NTRK2: variants seen among roughly 807,000 people sequenced by gnomAD.
NTRK2 encodes the protein BDNF/NT-3 growth factors receptor.
A neutral mutation model predicts 94.5 loss-of-function variants in NTRK2; 13 were observed. The ratio of observed to expected loss-of-function variants is 0.14; its 90% CI spans 0.09 to 0.22. The LOEUF (loss-of-function observed/expected upper bound fraction) is 0.22. Ranked by LOEUF, NTRK2 falls within the 10% of genes least tolerant of loss-of-function variation. The pLI is 1.00. For synonymous variants in NTRK2, 372 were observed against 407.4 expected, an observed-to-expected ratio of 0.91 and a Z score of 1.05; for missense variants, 639 against 1,071.2, an observed-to-expected ratio of 0.60 and a Z score of 5.63.
rs1244160888 is a variant in NTRK2, at chr9:84,927,393, ATATAAG to A, written c.1634-6766_1634-6761del. On this transcript the variant is annotated intron_variant, in intron 14 of 18. Transcript: ENST00000277120. ...AAGATGTAAGTAAATGGCATGAAAG[ATATAAG>A]TACATGGGTTTTTCTGCCCTTTAGG... is the stretch of plus-strand genomic sequence containing the variant. 5.9e-5 allele frequency among the ~76,000 whole-genome samples: 9 copies of A among 152,192 alleles called. No homozygotes were observed. The East Asian group carries it at 1.7e-3, about 29-fold the overall frequency.
At chr9:85,009,031 C>A (rs1053784985) in intron 17 of NTRK2, among the ~76,000 whole-genome samples, 1 of 152,184 alleles carries the variant, frequency 6.6e-6, no homozygotes, top group African/African-American at 2.4e-5. Flanking sequence ...TATTTACGTT[C>A]AGCTAGTTGG....
intron 11 of NTRK2, among the ~76,000 whole-genome samples, chr9:84,749,246 T>C (rs1464209559): frequency 2.0e-5 from 3 of 151,994 alleles, no homozygotes; most frequent in African/African-American, 7.2e-5. Context: ...AAAAAGTCTA[T>C]ACTCAAACAT....
At chr9:84,770,153 A>AACACACACACACACACACAC (rs35363257) in intron 12 of NTRK2, among the ~76,000 whole-genome samples, 151 of 137,030 alleles carry the variant, frequency 1.1e-3, no homozygotes, top group African/African-American at 3.9e-3. Context: ...TGTGCATGAG[A>AACACACACACACACACACAC]ACACACACAC....
At chr9:84,867,181 G>A (rs2132054361) in intron 13 of NTRK2, 62 bp from the exon 14 acceptor site, 1 of 1,525,572 alleles carries the variant, frequency 6.6e-7, no homozygotes, top group Non-Finnish European at 9.1e-7. Context: ...TTTTATGTAT[G>A]TGAATTACAG....
chr9:84,718,669 AG>A (rs538100569), intron 6 of NTRK2, among the ~76,000 whole-genome samples: 234 of 152,320 alleles, frequency 1.5e-3, no homozygotes, highest in Non-Finnish European at 2.7e-3. Flanking sequence ...ATCCTTTTAC[AG>A]TAGAGCTAGC....
At chr9:85,013,478 T>C (rs1564550799) in intron 17 of NTRK2, among the ~76,000 whole-genome samples, 1 of 152,154 alleles carries the variant, frequency 6.6e-6, no homozygotes. Context: ...AATTTTTGTA[T>C]TTTTAGTAGA....
intron 14 of NTRK2, among the ~76,000 whole-genome samples, chr9:84,883,521 C>T (rs1001775043): frequency 2.6e-5 from 4 of 152,102 alleles, no homozygotes; most frequent in East Asian, 1.9e-4. Context: ...TAATGACAAG[C>T]GCAATGTCTC....
chr9:84,904,881 A>G (rs971220177), intron 14 of NTRK2, among the ~76,000 whole-genome samples: 38 of 152,228 alleles, frequency 2.5e-4, no homozygotes, highest in African/African-American at 8.9e-4. Context: ...TTTAGTTTTT[A>G]AACCTCCAGC....
chr9:84,788,323 A>T (rs1162607757), intron 12 of NTRK2, among the ~76,000 whole-genome samples: 1 of 152,240 alleles, frequency 6.6e-6, no homozygotes, highest in Non-Finnish European at 1.5e-5. Context: ...GTAGATGCAG[A>T]TCAGAGTCAT....
At position 84,741,192 on chromosome 9, in the gene NTRK2, A is replaced by G. The variant is rs200422826; in HGVS notation, c.1160-700A>G. Among the ~76,000 whole-genome samples the G allele has an allele frequency of 1.1e-4, 17 of 152,356 alleles. No individual in the cohort carries two copies. The East Asian group carries it at 3.3e-3, about 29-fold the overall frequency. On this transcript the variant is annotated intron_variant, in intron 9 of 18. Coordinates refer to ENST00000277120, the MANE Select transcript of NTRK2 (RefSeq NM_006180.6). Reference sequence around the variant, plus strand: ...TCTCATAGGAATACCTTAAAGCAGAATATTTTGATCATCTTGGTGACTGCA... The same window carrying G: ...TCTCATAGGAATACCTTAAAGCAGAGTATTTTGATCATCTTGGTGACTGCA...
chr9:84,705,504 C>T (rs1219661243), intron 4 of NTRK2, among the ~76,000 whole-genome samples: 2 of 152,244 alleles, frequency 1.3e-5, no homozygotes, highest in East Asian at 1.9e-4. Flanking sequence ...TGGCCGGTAA[C>T]CCCGCTCTTT....
intron 6 of NTRK2, among the ~76,000 whole-genome samples, chr9:84,719,928 A>T (rs1010778201): frequency 1.3e-5 from 2 of 151,472 alleles, no homozygotes; most frequent in Non-Finnish European, 2.9e-5. Flanking sequence ...CCTGAGGCAC[A>T]AGAATCACTT....
chr9:84,722,758 A>T (rs949908313), intron 6 of NTRK2, among the ~76,000 whole-genome samples: 4 of 152,238 alleles, frequency 2.6e-5, no homozygotes, highest in Non-Finnish European at 5.9e-5. Context: ...CCCTAAAATT[A>T]CACATAGCTT....
At chr9:84,685,622 C>T (rs1225845486) in intron 2 of NTRK2, among the ~76,000 whole-genome samples, 1 of 152,172 alleles carries the variant, frequency 6.6e-6, no homozygotes, top group African/African-American at 2.4e-5. Flanking sequence ...CATGCCTCTA[C>T]CTTTGTTTGA....
Position 84,818,813 on chromosome 9 carries a change from C to T in NTRK2, c.1397-42227C>T, listed in dbSNP as rs376096814. 2.0e-4 allele frequency among the ~76,000 whole-genome samples: 30 copies of T among 152,276 alleles called. No individual in the cohort carries two copies. In the East Asian group the frequency reaches 2.7e-3, roughly 14 times the overall value. The stretch of plus-strand genomic sequence containing the variant: ...CTGGTGGGAAGGGGTGTGGAGGACA[C>T]GTCCTGCCATCTCCATGAACAGAAT... On this transcript the variant is annotated intron_variant, in intron 12 of 18. Coordinates refer to ENST00000277120, the MANE Select transcript of NTRK2 (RefSeq NM_006180.6).
chr9:84,939,051 C>CAAAAAAAAAAAAAAAAAAAAAAAA (rs138558531), intron 15 of NTRK2, among the ~76,000 whole-genome samples: 2 of 68,408 alleles, frequency 2.9e-5, no homozygotes, highest in African/African-American at 5.4e-5. Flanking sequence ...GACCCCAACT[C>CAAAAAAAAAAAAAAAAAAAAAAAA]AAAAAAAAAA....
intron 4 of NTRK2, among the ~76,000 whole-genome samples, chr9:84,704,030 AC>A (rs1321004260): frequency 1.3e-5 from 2 of 152,146 alleles, no homozygotes; most frequent in African/African-American, 4.8e-5. Context: ...ACTGCATTTT[AC>A]TGGCTCTTTT....
At chr9:84,998,322 GGA>G (rs775316371) in intron 17 of NTRK2, among the ~76,000 whole-genome samples, 6 of 152,174 alleles carry the variant, frequency 3.9e-5, no homozygotes, top group Admixed American at 1.3e-4. Context: ...AACCTGGACT[GGA>G]GATGGTTTTC....
chr9:84,678,691 C>CA lies in NTRK2; in HGVS notation c.212+7738dup, dbSNP rs201673055. 7.6e-4 allele frequency among the ~76,000 whole-genome samples: 116 copies of CA among 151,914 alleles called. 1 individual carries two copies. Among genetic ancestry groups the CA allele is most frequent in the African/African-American group, 2.7e-3 (110 of 41,420 alleles). On this transcript the variant is annotated intron_variant, in intron 2 of 18. Coordinates refer to ENST00000277120, the MANE Select transcript of NTRK2 (RefSeq NM_006180.6). Reference sequence around the variant, plus strand: ...CCCTAGATTCCCTGGTAAGGTGTGACAAAAAAACACACAACTATGGTGAAA... The same window carrying CA: ...CCCTAGATTCCCTGGTAAGGTGTGACAAAAAAAACACACAACTATGGTGAAA...
Sources: allele counts gnomAD v4.1 joint callset (sites outside exome capture counted in the v4.1 genomes callset), GRCh38; gene constraint gnomAD v4.1.1; transcripts MANE v1.5; gene names NCBI Gene and HGNC (gene_info 2026-07-23, HGNC 2026-07-21).